Variants in SULF2 observed in about 807,000 individuals in gnomAD.
SULF2 encodes sulfatase 2, also known as extracellular sulfatase Sulf-2.
A neutral mutation model predicts 107.7 loss-of-function variants in SULF2; 52 were observed. The observed-to-expected ratio is 0.48, with a 90% CI of 0.39 to 0.61. The LOEUF (loss-of-function observed/expected upper bound fraction) is 0.61. Among genes scored for constraint, SULF2 ranks in the 20% least tolerant of loss-of-function variants. The probability of loss-of-function intolerance (pLI) is 0.00; values close to 1 mark genes in which losing one functional copy is unlikely to be tolerated. For synonymous variants in SULF2, 460 were observed against 464.3 expected, an observed-to-expected ratio of 0.99 and a Z score of 0.12; for missense variants, 993 against 1,177.3, an observed-to-expected ratio of 0.84 and a Z score of 2.29.
chr20:47,663,655 C>T, intron 15 of SULF2, 33 bp from the exon 16 acceptor site: 1 of 1,532,424 alleles, frequency 6.5e-7, no homozygotes, highest in African/African-American at 1.4e-5. Context: ...ACACCTTGGG[C>T]CTCTGAGGGA....
intron 1 of SULF2, among the ~76,000 whole-genome samples, chr20:47,775,306 T>C (rs2090705495): frequency 6.6e-6 from 1 of 152,192 alleles, no homozygotes; most frequent in African/African-American, 2.4e-5. Context: ...GAAGCCCAAG[T>C]AGCCATAGGG....
intron 10 of SULF2, among the ~76,000 whole-genome samples, chr20:47,673,990 C>T (rs1338880094): frequency 6.6e-6 from 1 of 152,260 alleles, no homozygotes; most frequent in African/African-American, 2.4e-5. Flanking sequence ...ACAAACTCAG[C>T]TGGGGCACGA....
intron 1 of SULF2, among the ~76,000 whole-genome samples, chr20:47,770,635 G>A (rs1354908510): frequency 6.6e-6 from 1 of 152,204 alleles, no homozygotes; most frequent in African/African-American, 2.4e-5. Context: ...AGAGGCTCCT[G>A]ATCAGGAACT....
At chr20:47,706,018 C>T (rs535632696) in intron 3 of SULF2, among the ~76,000 whole-genome samples, 3 of 152,056 alleles carry the variant, frequency 2.0e-5, no homozygotes, top group East Asian at 1.9e-4. Context: ...AGGCTGGTCT[C>T]GAACTCCTGA....
At chr20:47,679,279 G>A (rs1006840130) in intron 7 of SULF2, among the ~76,000 whole-genome samples, 8 of 151,976 alleles carry the variant, frequency 5.3e-5, no homozygotes, top group African/African-American at 9.7e-5. Context: ...AGGGGCCACC[G>A]TCCCTCACCC....
chr20:47,762,693 C>G (rs1475539307), intron 1 of SULF2, among the ~76,000 whole-genome samples: 1 of 152,222 alleles, frequency 6.6e-6, no homozygotes, highest in African/African-American at 2.4e-5. Context: ...GCCTGTGATG[C>G]CAGGGTACAG....
In SULF2 at chr20:47,740,925, G is replaced by A. The variant is rs1000162236; in HGVS notation, c.176-3983C>T. On this transcript the variant is annotated intron_variant, in intron 2 of 20. Coordinates refer to ENST00000688720, the MANE Select transcript of SULF2 (RefSeq NM_001387048.1). ...TCCCGAAGCCACTCCCCTTTCCTCC[G>A]GGTACTTGGGCAATCATCTTGGCTA... 5.0e-4 allele frequency among the ~76,000 whole-genome samples: 76 copies of A among 152,004 alleles called. 1 individual carries two copies. Among genetic ancestry groups the A allele is most frequent in the African/African-American group, 1.7e-3 (71 of 41,362 alleles).
intron 3 of SULF2, among the ~76,000 whole-genome samples, chr20:47,735,784 C>T (rs1485385087): frequency 6.6e-6 from 1 of 152,184 alleles, no homozygotes; most frequent in African/African-American, 2.4e-5. Flanking sequence ...TCCCTGCCAG[C>T]CCACACTGTG....
chr20:47,760,163 T>C (rs535227762), intron 1 of SULF2, among the ~76,000 whole-genome samples: 1 of 152,296 alleles, frequency 6.6e-6, no homozygotes, highest in South Asian at 2.1e-4. Flanking sequence ...CTGTGTTCTC[T>C]GGGCAGCGCT....
intron 1 of SULF2, among the ~76,000 whole-genome samples, chr20:47,776,783 C>G (rs1258385465): frequency 6.6e-6 from 1 of 152,188 alleles, no homozygotes; most frequent in Non-Finnish European, 1.5e-5. Context: ...GCAATGCTAG[C>G]ACAAAACCCC....
intron 3 of SULF2, among the ~76,000 whole-genome samples, chr20:47,717,176 T>C (rs2146677063): frequency 6.6e-6 from 1 of 152,316 alleles, no homozygotes; most frequent in East Asian, 1.9e-4. Flanking sequence ...AAAATAGTTT[T>C]GAGTCTAGAG....
chr20:47,726,590 G>A (rs533065425), intron 3 of SULF2, among the ~76,000 whole-genome samples: 7 of 152,292 alleles, frequency 4.6e-5, no homozygotes, highest in South Asian at 2.1e-4. Context: ...ACCCATGTGC[G>A]CCTACTGAAT....
chr20:47,696,496 T>A (rs2088382476), intron 4 of SULF2, among the ~76,000 whole-genome samples: 1 of 152,064 alleles, frequency 6.6e-6, no homozygotes, highest in African/African-American at 2.4e-5. Context: ...ACTTTATGCA[T>A]CTTTTTATAT....
intron 3 of SULF2, among the ~76,000 whole-genome samples, chr20:47,734,102 C>T (rs1473570955): frequency 1.3e-5 from 2 of 152,168 alleles, no homozygotes; most frequent in Admixed American, 1.3e-4. Flanking sequence ...TTTCCCAGGC[C>T]CCTTTGCTGC....
chr20:47,673,571 C>T (rs138840990), intron 10 of SULF2, among the ~76,000 whole-genome samples: 17 of 152,270 alleles, frequency 1.1e-4, no homozygotes, highest in Admixed American at 2.6e-4. Flanking sequence ...CTCATCTTGC[C>T]CCTGTCCCGC....
Position 47,729,863 on chromosome 20 carries a change from C to T in SULF2, c.415+6840G>A, listed in dbSNP as rs1010789015. 3.9e-5 allele frequency among the ~76,000 whole-genome samples: 6 copies of T among 152,180 alleles called. No individual in the cohort carries two copies. In the South Asian group the frequency reaches 6.2e-4, roughly 16 times the overall value. On this transcript the variant is annotated intron_variant, in intron 3 of 20. Coordinates refer to ENST00000688720, the MANE Select transcript of SULF2 (RefSeq NM_001387048.1). ...CACTTTATAGCATTGCAGAGGAGGA[C>T]GGCCCACGCAGCAGCCCTCCTGCCC... is the stretch of plus-strand genomic sequence containing the variant.
chr20:47,663,342 G>A lies in SULF2; in HGVS notation c.2227+111C>T, dbSNP rs1248013521. 1.1e-5 allele frequency: 17 copies of A among 1,574,558 alleles called. 1 individual carries two copies. Among genetic ancestry groups the A allele is most frequent in the Non-Finnish European group, 1.5e-5 (17 of 1,157,164 alleles). ...CCAAGAGGCTGTCCCGAGCACCGTGGACCCCTGGTGTTGGGGACCCCCTTT... is the reference window on the plus strand; with the variant it reads ...CCAAGAGGCTGTCCCGAGCACCGTGAACCCCTGGTGTTGGGGACCCCCTTT... On this transcript the variant is annotated intron_variant, in intron 16 of 20. Coordinates refer to ENST00000688720, the MANE Select transcript of SULF2 (RefSeq NM_001387048.1).
Position 47,661,463 on chromosome 20 carries a change from A to T in SULF2, c.2494+310T>A, listed in dbSNP as rs543858437. 2.0e-3 allele frequency: 423 copies of T among 210,304 alleles called. 2 individuals are homozygous for T. Among genetic ancestry groups the T allele is most frequent in the Middle Eastern group, 0.016 (9 of 580 alleles). The allele number at this position is 210,304 out of a possible 1,614,324, so 13.0% of individuals were successfully genotyped here. On this transcript the variant is annotated intron_variant, in intron 18 of 20. Transcript: ENST00000688720. Reference sequence around the variant, plus strand: ...GAGGATGGGGTCATCTTTAGTCAACATGGTTTCAGGTGTAAGTTCTCAGGA... The same window carrying T: ...GAGGATGGGGTCATCTTTAGTCAACTTGGTTTCAGGTGTAAGTTCTCAGGA...
At chr20:47,691,182 G>A (rs999744894) in intron 4 of SULF2, among the ~76,000 whole-genome samples, 4 of 152,178 alleles carry the variant, frequency 2.6e-5, no homozygotes, top group African/African-American at 9.7e-5. Context: ...AGTCCCTGGG[G>A]TGCCTACACT....
Sources: allele counts gnomAD v4.1 joint callset (sites outside exome capture counted in the v4.1 genomes callset), GRCh38; gene constraint gnomAD v4.1.1; transcripts MANE v1.5; gene names NCBI Gene and HGNC (gene_info 2026-07-23, HGNC 2026-07-21).